RGS6: variants seen among roughly 807,000 people sequenced by gnomAD.
RGS6 encodes the protein regulator of G-protein signaling 6.
In RGS6, 30 loss-of-function variants were observed where a neutral mutation model predicts 78.5. The observed-to-expected ratio is 0.38, with a 90% CI of 0.29 to 0.52. The LOEUF (loss-of-function observed/expected upper bound fraction) is 0.52, where lower values mean the gene tolerates loss of function less well. Among genes scored for constraint, RGS6 ranks in the 20% least tolerant of loss-of-function variants. The pLI is 0.85. For missense variants in RGS6, 495 were observed against 609.7 expected, an observed-to-expected ratio of 0.81 and a Z score of 1.98; for synonymous variants, 206 against 206.0, an observed-to-expected ratio of 1.00 and a Z score of 0.00.
chr14:72,109,579 G>T (rs891805680), intron 2 of RGS6, among the ~76,000 whole-genome samples: 1 of 152,188 alleles, frequency 6.6e-6, no homozygotes, highest in South Asian at 2.1e-4. Context: ...ATGCATAAAT[G>T]TATTCTCTTT....
the RGS6 span, among the ~76,000 whole-genome samples, chr14:71,897,238 T>TG: frequency 2.0e-5 from 3 of 152,208 alleles, no homozygotes; most frequent in Non-Finnish European, 4.4e-5. Context: ...ATTGGTGAAG[T>TG]GGGGAGAGTA....
Position 72,447,065 on chromosome 14 carries a change from C to T in RGS6, c.185-7463C>T, listed in dbSNP as rs530462223. Among the ~76,000 whole-genome samples the T allele has an allele frequency of 4.3e-4, 65 of 152,142 alleles. 1 individual carries two copies. Among genetic ancestry groups the T allele is most frequent in the South Asian group, 8.3e-4 (4 of 4,812 alleles). On this transcript the variant is annotated intron_variant, in intron 3 of 17. Coordinates refer to ENST00000553525, the MANE Select transcript of RGS6 (RefSeq NM_001204424.2). ...GAGGTGGGAGGAGGAAGGGAAGGCA[C>T]GACAGGCCCAGGGAGTAGCAGATGC...
chr14:72,468,416 G>T (rs1163110727), intron 7 of RGS6, among the ~76,000 whole-genome samples: 3 of 150,810 alleles, frequency 2.0e-5, no homozygotes, highest in Admixed American at 2.0e-4. Flanking sequence ...TGTGCTCTCA[G>T]GTTGAAGTTC....
intron 2 of RGS6, among the ~76,000 whole-genome samples, chr14:72,169,810 A>G (rs144803570): frequency 1.6e-4 from 24 of 152,316 alleles, no homozygotes; most frequent in African/African-American, 5.5e-4. Flanking sequence ...GATGCAGAGT[A>G]TAGGGGCACA....
intron 2 of RGS6, among the ~76,000 whole-genome samples, chr14:72,129,639 TG>T (rs2096274118): frequency 6.6e-6 from 1 of 152,210 alleles, no homozygotes; most frequent in Non-Finnish European, 1.5e-5. Flanking sequence ...GATGTTGGGC[TG>T]TCTCCTTCTC....
intron 1 of RGS6, among the ~76,000 whole-genome samples, chr14:71,953,341 ACAACT>A (rs2153002502): frequency 6.6e-6 from 1 of 152,332 alleles, no homozygotes; most frequent in South Asian, 2.1e-4. Context: ...CCCTGTTACA[ACAACT>A]CAATTCTGCT....
intron 2 of RGS6, among the ~76,000 whole-genome samples, chr14:72,137,919 G>A (rs1468811510): frequency 6.6e-6 from 1 of 152,038 alleles, no homozygotes; most frequent in South Asian, 2.1e-4. Flanking sequence ...TTGAAGGTGG[G>A]ACTGAGAGTC....
chr14:71,999,405 A>AT (rs59326394), intron 2 of RGS6, among the ~76,000 whole-genome samples: 2 of 152,260 alleles, frequency 1.3e-5, no homozygotes, highest in African/African-American at 4.8e-5. Context: ...CATACAAGGC[A>AT]TTTTTGACAG....
the RGS6 span, among the ~76,000 whole-genome samples, chr14:71,895,433 C>T: frequency 2.7e-5 from 4 of 150,872 alleles, no homozygotes; most frequent in East Asian, 2.0e-4. Context: ...GTGATCTGCC[C>T]GCCTCAGACT....
At chr14:71,958,857 C>T (rs2092987606) in intron 1 of RGS6, among the ~76,000 whole-genome samples, 1 of 152,168 alleles carries the variant, frequency 6.6e-6, no homozygotes, top group South Asian at 2.1e-4. Context: ...ACTTCTGGAG[C>T]ATGGGAACCG....
At chr14:72,426,370 C>G (rs1011073886) in intron 3 of RGS6, among the ~76,000 whole-genome samples, 7 of 152,198 alleles carry the variant, frequency 4.6e-5, no homozygotes, top group Admixed American at 1.3e-4. Flanking sequence ...GCTTCTTCCT[C>G]TATCATAGAA....
At chr14:71,943,653 G>A (rs779189380) in intron 1 of RGS6, among the ~76,000 whole-genome samples, 13 of 152,304 alleles carry the variant, frequency 8.5e-5, no homozygotes, top group African/African-American at 2.6e-4. Context: ...TCCTGGAGGC[G>A]AAAGGCCATT....
At chr14:72,340,507 G>C (rs1449231085) in intron 2 of RGS6, among the ~76,000 whole-genome samples, 1 of 152,162 alleles carries the variant, frequency 6.6e-6, no homozygotes, top group African/African-American at 2.4e-5. Flanking sequence ...AGGCAGACAA[G>C]GGCCCTAGGG....
At chr14:72,024,821 T>A (rs1210766315) in intron 2 of RGS6, among the ~76,000 whole-genome samples, 1 of 152,192 alleles carries the variant, frequency 6.6e-6, no homozygotes, top group Non-Finnish European at 1.5e-5. Flanking sequence ...GAGTTTAATG[T>A]ATCTGCATTA....
intron 14 of RGS6, among the ~76,000 whole-genome samples, chr14:72,512,804 G>A (rs945817387): frequency 6.6e-6 from 1 of 152,196 alleles, no homozygotes; most frequent in Admixed American, 6.5e-5. Context: ...CCTTTTCCCC[G>A]TTCCATTGCG....
At chr14:72,033,879 T>A (rs535757463) in intron 2 of RGS6, among the ~76,000 whole-genome samples, 51 of 152,318 alleles carry the variant, frequency 3.3e-4, no homozygotes, top group African/African-American at 1.2e-3. Context: ...GGGTTCCAGT[T>A]TCTTCACCTC....
chr14:72,232,906 G>A (rs941660142), intron 2 of RGS6, among the ~76,000 whole-genome samples: 1 of 152,228 alleles, frequency 6.6e-6, no homozygotes, highest in African/African-American at 2.4e-5. Context: ...TGGCGTGCAT[G>A]CAGCCTGTAC....
intron 2 of RGS6, among the ~76,000 whole-genome samples, chr14:72,106,638 A>ATT (rs1285853597): frequency 2.0e-5 from 3 of 152,178 alleles, no homozygotes; most frequent in African/African-American, 7.2e-5. Context: ...GTGTCACTGA[A>ATT]TTGCATATCC....
chr14:72,595,679 C>T, the RGS6 span, among the ~76,000 whole-genome samples: 6 of 152,206 alleles, frequency 3.9e-5, no homozygotes, highest in Non-Finnish European at 5.9e-5. Context: ...TGTGTTTACA[C>T]TTCTACTCTT....
Sources: allele counts gnomAD v4.1 joint callset (sites outside exome capture counted in the v4.1 genomes callset), GRCh38; gene constraint gnomAD v4.1.1; transcripts MANE v1.5; gene names NCBI Gene and HGNC (gene_info 2026-07-23, HGNC 2026-07-21).